IPCEF1: variants seen among roughly 807,000 people sequenced by gnomAD.
IPCEF1 encodes interactor protein for cytohesin exchange factors 1.
IPCEF1 carries 31 observed loss-of-function variants against 50.9 expected under a neutral mutation model. That is an observed-to-expected ratio of 0.61 (90% CI 0.46 to 0.82). IPCEF1 has a LOEUF of 0.82. Among genes scored for constraint, IPCEF1 ranks in the 40% least tolerant of loss-of-function variants. The pLI, the probability that IPCEF1 is intolerant of heterozygous loss-of-function variation, is 0.00. For missense variants in IPCEF1, 458 were observed against 514.0 expected (o/e 0.89, Z 1.05); for synonymous variants, 181 against 192.0 (o/e 0.94, Z 0.47).
chr6:154,243,797 T>C (rs1449161917), intron 5 of IPCEF1, among the ~76,000 whole-genome samples: 2 of 152,330 alleles, frequency 1.3e-5, no homozygotes, highest in East Asian at 1.9e-4. Context: ...TTTACTCCCA[T>C]GTGACTTGGG....
At chr6:154,163,037 C>T (rs918980436) in intron 11 of IPCEF1, among the ~76,000 whole-genome samples, 4 of 152,200 alleles carry the variant, frequency 2.6e-5, no homozygotes, top group Non-Finnish European at 5.9e-5. Context: ...CTCCTTCTAC[C>T]ACACCCAATC....
intron 7 of IPCEF1, among the ~76,000 whole-genome samples, chr6:154,215,545 G>A (rs1171891793): frequency 6.6e-6 from 1 of 152,090 alleles, no homozygotes; most frequent in Admixed American, 6.5e-5. Flanking sequence ...GGTGGAGGTT[G>A]CAATGAGCCG....
At chr6:154,355,500 T>C (rs1417374435) in intron 1 of IPCEF1, among the ~76,000 whole-genome samples, 2 of 151,872 alleles carry the variant, frequency 1.3e-5, no homozygotes, top group East Asian at 1.9e-4. Context: ...CTTTCTTTTT[T>C]TTTTTTGAGA....
chr6:154,246,844 A>G, intron 4 of IPCEF1, 84 bp from the exon 5 acceptor site: 1 of 1,421,716 alleles, frequency 7.0e-7, no homozygotes, highest in South Asian at 1.7e-5. Flanking sequence ...TGACAGAGTG[A>G]AAGGCAACTT....
chr6:154,252,356 G>A (rs73569008), intron 3 of IPCEF1, among the ~76,000 whole-genome samples: 4,004 of 152,204 alleles, frequency 0.026, 196 homozygotes, highest in African/African-American at 0.091. Flanking sequence ...AAACCTTCCA[G>A]TACTGTCAGT....
chr6:154,228,505 G>A (rs560188617), intron 5 of IPCEF1, among the ~76,000 whole-genome samples: 4 of 152,216 alleles, frequency 2.6e-5, no homozygotes, highest in African/African-American at 9.6e-5. Context: ...GATGTTCTAT[G>A]ATCTCAAACC....
chr6:154,350,962 C>T (rs1784109818), intron 1 of IPCEF1, among the ~76,000 whole-genome samples: 1 of 152,138 alleles, frequency 6.6e-6, no homozygotes, highest in African/African-American at 2.4e-5. Context: ...TCAAGCGATC[C>T]TCCCAACTCC....
At chr6:154,299,658 C>A (rs568008480) in intron 1 of IPCEF1, among the ~76,000 whole-genome samples, 1 of 139,974 alleles carries the variant, frequency 7.1e-6, no homozygotes, top group African/African-American at 2.6e-5. Flanking sequence ...GGGCTTAATA[C>A]CTAGGTGATG....
At chr6:154,341,259 C>T (rs536529091) in intron 1 of IPCEF1, among the ~76,000 whole-genome samples, 1 of 152,256 alleles carries the variant, frequency 6.6e-6, no homozygotes, top group East Asian at 1.9e-4. Context: ...TTTGGGGGCT[C>T]AAGATATTTT....
intron 1 of IPCEF1, among the ~76,000 whole-genome samples, chr6:154,301,678 T>A (rs1022656034): frequency 6.6e-6 from 1 of 152,188 alleles, no homozygotes; most frequent in Non-Finnish European, 1.5e-5. Flanking sequence ...GGGATCATGA[T>A]CACTGAAATT....
intron 4 of IPCEF1, chr6:154,247,009 C>CG (rs1211149377): frequency 2.3e-6 from 1 of 435,844 alleles, no homozygotes; most frequent in Non-Finnish European, 4.0e-6. Flanking sequence ...GTATAAGATA[C>CG]GGCCAAAGAA....
intron 3 of IPCEF1, among the ~76,000 whole-genome samples, chr6:154,251,901 C>G (rs746618878): frequency 6.6e-6 from 1 of 151,718 alleles, no homozygotes; most frequent in Non-Finnish European, 1.5e-5. Flanking sequence ...GAGCAAAGTT[C>G]CAGGGAAAAT....
intron 1 of IPCEF1, among the ~76,000 whole-genome samples, chr6:154,344,406 C>T (rs1180117096): frequency 6.6e-6 from 1 of 152,180 alleles, no homozygotes; most frequent in Non-Finnish European, 1.5e-5. Flanking sequence ...AAGATACTTA[C>T]ATCCTGTTTT....
In IPCEF1 at chr6:154,186,565, T is replaced by TC. The variant is rs200524454; in HGVS notation, c.910+13102_910+13103insG. Among the ~76,000 whole-genome samples the TC allele has an allele frequency of 8.7e-5, 11 of 126,594 alleles. No individual in the cohort carries two copies. In the East Asian group the frequency reaches 6.0e-3, roughly 69 times the overall value. 83.1% of individuals were successfully genotyped at this position (126,594 alleles called of 152,430 possible). ...CAGCTCCTTTCTTTCTTTTTTTCTC[T>TC]TTTTTTTTTGAGACGGAGTCTCGCT... On this transcript the variant is annotated intron_variant, in intron 10 of 11. Coordinates refer to ENST00000367220, the MANE Select transcript of IPCEF1 (RefSeq NM_001130700.2).
intron 2 of IPCEF1, among the ~76,000 whole-genome samples, chr6:154,282,653 G>A (rs1413857175): frequency 6.6e-6 from 1 of 152,130 alleles, no homozygotes; most frequent in Non-Finnish European, 1.5e-5. Flanking sequence ...CACCACTGCA[G>A]TCTGGCCTGG....
chr6:154,202,756 T>C (rs1278861337), intron 9 of IPCEF1, among the ~76,000 whole-genome samples: 1 of 152,182 alleles, frequency 6.6e-6, no homozygotes, highest in Non-Finnish European at 1.5e-5. Flanking sequence ...ATCGTGTTTG[T>C]GCTATGACTC....
chr6:154,277,977 C>T (rs553933470), intron 2 of IPCEF1, among the ~76,000 whole-genome samples: 9 of 152,222 alleles, frequency 5.9e-5, no homozygotes, highest in Admixed American at 6.5e-5. Context: ...CCGCACCCAC[C>T]TCCTCATCTT....
At chr6:154,175,247 A>T (rs1800215705) in intron 10 of IPCEF1, among the ~76,000 whole-genome samples, 1 of 152,184 alleles carries the variant, frequency 6.6e-6, no homozygotes, top group South Asian at 2.1e-4. Context: ...ACACCCTAAC[A>T]TCACAATTAA....
intron 1 of IPCEF1, among the ~76,000 whole-genome samples, chr6:154,338,818 A>G (rs1407901114): frequency 6.6e-6 from 1 of 152,166 alleles, no homozygotes; most frequent in Non-Finnish European, 1.5e-5. Flanking sequence ...GCTACTCAGG[A>G]GGCTGAGACA....
Sources: gnomAD v4.1 joint callset for allele counts (sites outside exome capture counted in the v4.1 genomes callset) on GRCh38, gnomAD v4.1.1 for gene constraint, MANE v1.5 for transcripts, NCBI Gene and HGNC (gene_info 2026-07-23, HGNC 2026-07-21) for gene names.